CCNG1: variants seen among roughly 807,000 people sequenced by gnomAD.
CCNG1 encodes cyclin G1, also known as cyclin-G1.
CCNG1 carries 13 observed loss-of-function variants against 30.0 expected under a neutral mutation model. The observed-to-expected ratio is 0.43, with a 90% confidence interval of 0.28 to 0.69. The LOEUF (loss-of-function observed/expected upper bound fraction) is 0.69, where lower values mean the gene tolerates loss of function less well. Ranked by LOEUF, CCNG1 falls within the 30% of genes least tolerant of loss-of-function variation. CCNG1 has a pLI of 0.16. For missense variants in CCNG1, 285 were observed against 331.4 expected, an observed-to-expected ratio of 0.86 and a Z score of 1.09; for synonymous variants, 110 against 121.5, an observed-to-expected ratio of 0.91 and a Z score of 0.62.
intron 1 of CCNG1, among the ~76,000 whole-genome samples, chr5:163,438,749 C>G (rs1034940021): frequency 2.6e-5 from 4 of 152,156 alleles, no homozygotes; most frequent in African/African-American, 9.7e-5. Context: ...TGGTTCCGAC[C>G]GGGCGCGGTG....
At chr5:163,453,158 C>T in the CCNG1 span, 2 of 152,106 alleles carry the variant, frequency 1.3e-5, no homozygotes, top group African/African-American at 4.8e-5. Context: ...CTTTTCTATG[C>T]ATGAGATTTA....
intron 2 of CCNG1, 69 bp downstream of exon 2, chr5:163,439,589 C>G (rs1757702468): frequency 7.1e-7 from 1 of 1,412,990 alleles, no homozygotes; most frequent in African/African-American, 1.5e-5. Flanking sequence ...TACCTTTTGG[C>G]TGGTATTCAT....
intron 6 of CCNG1, among the ~76,000 whole-genome samples, chr5:163,443,120 C>T (rs418358): frequency 1 from 152,114 of 152,120 alleles, 76,054 homozygotes; most frequent in Middle Eastern, 1. Flanking sequence ...CCATCCTGGC[C>T]AACATGGTGA....
the CCNG1 span, among the ~76,000 whole-genome samples, chr5:163,456,061 A>G: frequency 1.3e-5 from 2 of 152,212 alleles, no homozygotes; most frequent in African/African-American, 4.8e-5. Context: ...CAAATATGGA[A>G]GGATGTTAGG....
At position 163,443,915 on chromosome 5, in the gene CCNG1, A is replaced by G. The variant is rs2113380185; in HGVS notation, c.*245A>G. On this transcript the variant is annotated 3_prime_UTR_variant, in exon 7 of 7. Coordinates refer to ENST00000340828, the MANE Select transcript of CCNG1 (RefSeq NM_004060.4). ...GCCTAAATGTGAAATGCTAATGACA[A>G]GCCTGAGAAGGTAAACTGTGAATCT... 2.0e-6 allele frequency: 1 copy of G among 503,518 alleles called. No homozygotes were observed. The highest frequency in any genetic ancestry group is 3.2e-5 in the East Asian group (1 of 31,658). 31.2% of individuals were successfully genotyped at this position (503,518 alleles called of 1,614,324 possible).
At chr5:163,443,645 G>C (rs1266661507) in intron 6 of CCNG1, 29 bp from the exon 7 acceptor site, 1 of 1,326,150 alleles carries the variant, frequency 7.5e-7, no homozygotes, top group East Asian at 2.5e-5. Context: ...TGTTAAGTTG[G>C]ATTTTGTTTG....
At chr5:163,439,147 T>G in intron 1 of CCNG1, 110 bp from the exon 2 acceptor site, 15 of 900,012 alleles carry the variant, frequency 1.7e-5, no homozygotes, top group Non-Finnish European at 2.6e-5. Context: ...ACTAGCCGCA[T>G]TGGGGGATGG....
At chr5:163,453,840 C>A in the CCNG1 span, 3 of 448,766 alleles carry the variant, frequency 6.7e-6, no homozygotes, top group Admixed American at 8.1e-5. Flanking sequence ...TTTTTAGAAC[C>A]ATTTTAAGAT....
downstream of CCNG1, chr5:163,448,290 A>C (rs1581174906): frequency 6.6e-6 from 1 of 152,290 alleles, no homozygotes; most frequent in African/African-American, 2.4e-5. Context: ...GAGCAGTAAA[A>C]TTGATAAACC....
At chr5:163,445,609 G>A (rs961062090), downstream of CCNG1, among the ~76,000 whole-genome samples, 9 of 126,046 alleles carry the variant, frequency 7.1e-5, no homozygotes, top group Non-Finnish European at 1.2e-4. Flanking sequence ...ACATGCCACC[G>A]CACCCAGCTA....
Position 163,439,928 on chromosome 5 carries a change from G to A in CCNG1, c.264+408G>A, listed in dbSNP as rs570186274. On this transcript the variant is annotated intron_variant, in intron 2 of 6. Transcript: ENST00000340828. ...TTAATCACTACCCATATATAAAATTGTAAATGTTTTAGCCTTAGACCTAGT... is the reference window on the plus strand; with the variant it reads ...TTAATCACTACCCATATATAAAATTATAAATGTTTTAGCCTTAGACCTAGT... Among the ~76,000 whole-genome samples, 39 of 152,140 alleles carry A rather than the reference G, an allele frequency of 2.6e-4. No individual in the cohort carries two copies. The Middle Eastern group carries it at 0.014, about 53-fold the overall frequency.
chr5:163,452,943 T>C, the CCNG1 span: 21 of 152,330 alleles, frequency 1.4e-4, no homozygotes, highest in African/African-American at 5.0e-4. Flanking sequence ...TCTTGCTATA[T>C]GGACATTATT....
chr5:163,439,119 T>C (rs1757662591), intron 1 of CCNG1, 138 bp from the exon 2 acceptor site: 1 of 705,336 alleles, frequency 1.4e-6, no homozygotes, highest in Non-Finnish European at 2.4e-6. Context: ...AGATGGCACT[T>C]TGCAATGACT....
At chr5:163,454,027 T>C in the CCNG1 span, 1 of 1,553,540 alleles carries the variant, frequency 6.4e-7, no homozygotes, top group Non-Finnish European at 8.7e-7. Flanking sequence ...AGATTTCTGC[T>C]CCACTGAAGT....
At position 163,443,899 on chromosome 5, in the gene CCNG1, T is replaced by A; in HGVS notation, c.*229T>A. On this transcript the variant is annotated 3_prime_UTR_variant, in exon 7 of 7. Transcript: ENST00000340828. ...CAAATCAAAGCTAAAAGCCTAAATG[T>A]GAAATGCTAATGACAAGCCTGAGAA... The A allele has an allele frequency of 1.9e-6, 1 of 526,932 alleles. No individual in the cohort carries two copies. Among genetic ancestry groups the A allele is most frequent in the Non-Finnish European group, 3.3e-6 (1 of 300,158 alleles). 32.6% of individuals were successfully genotyped at this position (526,932 alleles called of 1,614,324 possible).
the CCNG1 span, chr5:163,453,214 AATAGG>A: frequency 7.9e-5 from 12 of 152,212 alleles, no homozygotes; most frequent in Non-Finnish European, 1.5e-4. Flanking sequence ...AAAGGACATA[AATAGG>A]ATATTGAATA....
At chr5:163,457,145 T>G in the CCNG1 span, 1 of 1,500,336 alleles carries the variant, frequency 6.7e-7, no homozygotes, top group Non-Finnish European at 8.9e-7. Context: ...AGTTGTTTTT[T>G]TTTTTTTTGA....
At chr5:163,438,913 C>T (rs1266908755) in intron 1 of CCNG1, among the ~76,000 whole-genome samples, 1 of 151,998 alleles carries the variant, frequency 6.6e-6, no homozygotes, top group Non-Finnish European at 1.5e-5. Context: ...GTAATCCCAG[C>T]TCCTCGGGAG....
intron 3 of CCNG1, 96 bp from the exon 4 acceptor site, chr5:163,441,790 C>T (rs938591075): frequency 2.8e-6 from 2 of 721,636 alleles, no homozygotes; most frequent in Non-Finnish European, 4.7e-6. Flanking sequence ...TGTGCATAAG[C>T]TTTACTTTAA....
Sources: allele counts gnomAD v4.1 joint callset (sites outside exome capture counted in the v4.1 genomes callset), GRCh38; gene constraint gnomAD v4.1.1; transcripts MANE v1.5; gene names NCBI Gene and HGNC (gene_info 2026-07-23, HGNC 2026-07-21).